Variants in TET2 observed in about 807,000 individuals in gnomAD.
The protein encoded by TET2 is methylcytosine dioxygenase TET2.
In TET2, 299 loss-of-function variants were observed where a neutral mutation model predicts 142.9. The observed-to-expected ratio is 2.09, with a 90% CI of 1.90 to 2.30. The LOEUF is 2.30. Among genes scored for constraint, TET2 ranks in the 30% most tolerant of loss-of-function variants. TET2 has a pLI of 0.00. For synonymous variants in TET2, 819 were observed against 849.0 expected (o/e 0.96, Z 0.61); for missense variants, 2,418 against 2,378.0 (o/e 1.02, Z -0.35).
intron 6 of TET2, among the ~76,000 whole-genome samples, chr4:105,246,008 A>G (rs898746922): frequency 5.3e-5 from 8 of 152,090 alleles, no homozygotes; most frequent in Non-Finnish European, 8.8e-5. Context: ...TCAGCTCACC[A>G]CAACCTCCAC....
rs1214534714 is a variant in TET2, at chr4:105,235,560, AT to A, written c.1620del (p.Leu541Ter). On this transcript the variant is annotated frameshift_variant, in exon 3 of 11. Transcript: ENST00000380013. LOFTEE classifies it high-confidence loss of function. ...QQLMRNKEQE[I>X]LKGRDKEQTR... is the part of the protein sequence containing the mutation. ...GTTGATGAGAAACAAAGAGCAAGAG[AT>A]TCTGAAGGGTCGAGACAAGGAGCAA... 1 of 1,614,156 alleles carries A rather than the reference AT, an allele frequency of 6.2e-7. No homozygotes were observed. Among genetic ancestry groups the A allele is most frequent in the Non-Finnish European group, 8.5e-7 (1 of 1,180,020 alleles).
Position 105,154,905 on chromosome 4 carries a change from G to A in TET2, c.-193+7926G>A, listed in dbSNP as rs1425517947. Among the ~76,000 whole-genome samples the A allele has an allele frequency of 2.0e-5, 3 of 152,070 alleles. No individual in the cohort carries two copies. In the East Asian group the frequency reaches 5.8e-4, roughly 29 times the overall value. On this transcript the variant is annotated intron_variant, in intron 1 of 10. Transcript: ENST00000380013. ...CTGGGTGTGGTGGCACATCCCTGTA[G>A]TTCCAGGTACTTGTGGGGCTGAGGC...
intron 2 of TET2, among the ~76,000 whole-genome samples, 157 bp from the exon 3 acceptor site, chr4:105,233,740 G>A (rs374585290): frequency 6.6e-6 from 1 of 152,042 alleles, no homozygotes; most frequent in East Asian, 1.9e-4. Context: ...GCTGTCAGTT[G>A]TCACTATGAA....
Position 105,167,511 on chromosome 4 carries a change from A to G in TET2, c.-193+20532A>G, listed in dbSNP as rs143696701. On this transcript the variant is annotated intron_variant, in intron 1 of 10. Coordinates refer to ENST00000380013, the MANE Select transcript of TET2 (RefSeq NM_001127208.3). ...ATATACATGTATATGTACAAAGAAA[A>G]AATATGTATATAATAGTTTCACTGT... Among the ~76,000 whole-genome samples, 200 of 152,248 alleles carry G rather than the reference A, an allele frequency of 1.3e-3. 1 individual carries two copies. The Middle Eastern group carries it at 0.014, about 10-fold the overall frequency.
chr4:105,268,348 T>G (rs1730791938), intron 8 of TET2, among the ~76,000 whole-genome samples: 3 of 152,076 alleles, frequency 2.0e-5, no homozygotes, highest in Admixed American at 2.0e-4. Context: ...ATGTATAAGA[T>G]TATATACTGG....
At chr4:105,203,683 C>T (rs1000084990) in intron 2 of TET2, among the ~76,000 whole-genome samples, 2 of 152,174 alleles carry the variant, frequency 1.3e-5, no homozygotes, top group African/African-American at 4.8e-5. Flanking sequence ...TCTACCTAAA[C>T]TCTTAACATA....
intron 2 of TET2, among the ~76,000 whole-genome samples, chr4:105,197,740 G>A (rs1198771120): frequency 1.3e-5 from 2 of 152,180 alleles, no homozygotes; most frequent in Non-Finnish European, 2.9e-5. Flanking sequence ...GGCATTTCAA[G>A]TGTATTTCAT....
chr4:105,182,272 T>C (rs1247599342), intron 1 of TET2, among the ~76,000 whole-genome samples: 1 of 152,168 alleles, frequency 6.6e-6, no homozygotes, highest in African/African-American at 2.4e-5. Context: ...ATTTCCAAGG[T>C]AGCTAGTAAT....
In TET2 at chr4:105,237,328, A is replaced by G; in HGVS notation, c.3386A>G (p.Asp1129Gly). The G allele has an allele frequency of 6.2e-7, 1 of 1,614,148 alleles. No homozygotes were observed. Among genetic ancestry groups the G allele is most frequent in the East Asian group, 2.2e-5 (1 of 44,886 alleles). Reference protein sequence around the residue: ...LLDTPVKTQYDFPSCRCVEQI... With the variant: ...LLDTPVKTQYGFPSCRCVEQI... ...GATACACCTGTCAAGACTCAATATG[A>G]TTTCCCATCTTGCAGATGTGTAGGT... Residue 1129 changes from aspartate (D) to glycine (G), a missense_variant, in exon 3 of 11, where the codon GAT (aspartate) becomes GGT (glycine). Coordinates refer to ENST00000380013, the MANE Select transcript of TET2 (RefSeq NM_001127208.3).
chr4:105,159,271 A>C (rs1195494514), intron 1 of TET2, among the ~76,000 whole-genome samples: 1 of 107,346 alleles, frequency 9.3e-6, no homozygotes, highest in African/African-American at 4.0e-5. Context: ...TTTTTTTTTG[A>C]GACGGAGTTT....
At chr4:105,162,385 T>G (rs1723899758) in intron 1 of TET2, among the ~76,000 whole-genome samples, 2 of 152,196 alleles carry the variant, frequency 1.3e-5, no homozygotes, top group African/African-American at 4.8e-5. Context: ...TCATGAATAC[T>G]GATACAGAAT....
intron 1 of TET2, among the ~76,000 whole-genome samples, chr4:105,157,526 G>A (rs187718832): frequency 6.6e-6 from 1 of 152,254 alleles, no homozygotes; most frequent in African/African-American, 2.4e-5. Context: ...CATTACGCTT[G>A]TGGAAAAACA....
chr4:105,250,888 G>C (rs187778437), intron 6 of TET2, among the ~76,000 whole-genome samples: 2 of 151,768 alleles, frequency 1.3e-5, no homozygotes, highest in African/African-American at 4.8e-5. Context: ...CACCATGTTG[G>C]CCAGGCTGGT....
chr4:105,270,391 A>G (rs565991606), intron 9 of TET2, among the ~76,000 whole-genome samples: 87 of 152,334 alleles, frequency 5.7e-4, no homozygotes, highest in Non-Finnish European at 1.1e-3. Context: ...TGCCAGTTAC[A>G]GTTAACTTCC....
chr4:105,190,212 A>G (rs776398172), intron 1 of TET2, 148 bp from the exon 2 acceptor site: 7 of 454,342 alleles, frequency 1.5e-5, no homozygotes, highest in Admixed American at 3.9e-5. Flanking sequence ...CATTGCTTTG[A>G]GAAAGATTCT....
intron 2 of TET2, among the ~76,000 whole-genome samples, chr4:105,214,108 C>T (rs1012396001): frequency 5.9e-5 from 9 of 151,914 alleles, no homozygotes; most frequent in Non-Finnish European, 1.2e-4. Flanking sequence ...GCCTTGGCCT[C>T]ATAAAGTGCT....
In TET2 at chr4:105,234,629, A is replaced by G; in HGVS notation, c.687A>G (p.Thr229=). The change falls in exon 3 of 11, where the codon ACA becomes ACG. Residue 229 remains threonine (T), a synonymous_variant. Transcript: ENST00000380013. The part of the protein sequence containing the change: ...EHTHGELLEK[T]LSQYYPDCVS... The stretch of plus-strand genomic sequence containing the variant: ...CACATGGTGAACTCCTGGAAAAAAC[A>G]CTGTCTCAATATTATCCAGATTGTG... 6.2e-7 allele frequency: 1 copy of G among 1,614,130 alleles called. No homozygotes were observed. The highest frequency in any genetic ancestry group is 8.5e-7 in the Non-Finnish European group (1 of 1,180,020).
chr4:105,235,033 GTGGCAGCTCTGAA>G lies in TET2; in HGVS notation c.1092_1104del (p.Ser366IlefsTer2), dbSNP rs1246940759. ...TCCAGCAGCAATTTGCAAGCTCCTG[GTGGCAGCTCTGAA>G]CGGTATTTAAAACAAAATGAAATGA... On this transcript the variant is annotated frameshift_variant, in exon 3 of 11. Coordinates refer to ENST00000380013, the MANE Select transcript of TET2 (RefSeq NM_001127208.3). LOFTEE classifies it high-confidence loss of function. 1 of 1,613,994 alleles carries G rather than the reference GTGGCAGCTCTGAA, an allele frequency of 6.2e-7. No individual in the cohort carries two copies. The highest frequency in any genetic ancestry group is 8.5e-7 in the Non-Finnish European group (1 of 1,180,026).
At chr4:105,232,818 G>T (rs766344151) in intron 2 of TET2, among the ~76,000 whole-genome samples, 1 of 152,080 alleles carries the variant, frequency 6.6e-6, no homozygotes, top group African/African-American at 2.4e-5. Flanking sequence ...GAAAAACATA[G>T]AATCACCTAG....
Sources: allele counts gnomAD v4.1 joint callset (sites outside exome capture counted in the v4.1 genomes callset), GRCh38; gene constraint gnomAD v4.1.1; transcripts MANE v1.5; gene names NCBI Gene and HGNC (gene_info 2026-07-23, HGNC 2026-07-21).